SEMA4D: variants seen among roughly 807,000 people sequenced by gnomAD.
The protein encoded by SEMA4D is semaphorin-4D.
A neutral mutation model predicts 74.8 loss-of-function variants in SEMA4D; 22 were observed. That is an observed-to-expected ratio of 0.29 (90% CI 0.21 to 0.42). The LOEUF (loss-of-function observed/expected upper bound fraction) is 0.42, where lower values mean the gene tolerates loss of function less well. Among genes scored for constraint, SEMA4D ranks in the 10% least tolerant of loss-of-function variants. SEMA4D has a pLI of 1.00. For synonymous variants in SEMA4D, 445 were observed against 463.7 expected (o/e 0.96, Z 0.52); for missense variants, 937 against 1,118.4 (o/e 0.84, Z 2.31).
chr9:89,402,366 T>C (rs1234652689), intron 4 of SEMA4D, among the ~76,000 whole-genome samples: 3 of 152,148 alleles, frequency 2.0e-5, no homozygotes, highest in Non-Finnish European at 4.4e-5. Context: ...GCAACCTGAT[T>C]CAAACTAAAC....
chr9:89,378,779 G>T lies in SEMA4D; in HGVS notation c.2514C>A (p.Asp838Glu), dbSNP rs1272221490. The change falls in exon 16 of 16, where the codon GAC becomes GAA. Residue 838 changes from aspartate (D) to glutamate (E), a missense_variant. Coordinates refer to ENST00000422704, the MANE Select transcript of SEMA4D (RefSeq NM_001371194.2). Reference sequence around the variant, plus strand: ...CAAAGGGCTTGTCCCTGGCAGAAAGGTCGTCGATCCTCTGTGAGTCCTCCC... The same window carrying T: ...CAAAGGGCTTGTCCCTGGCAGAAAGTTCGTCGATCCTCTGTGAGTCCTCCC... ...TDREDSQRID[D>E]LSARDKPFDV... 1 of 1,614,202 alleles carries T rather than the reference G, an allele frequency of 6.2e-7. No homozygotes were observed. The highest frequency in any genetic ancestry group is 1.3e-5 in the African/African-American group (1 of 75,048).
intron 5 of SEMA4D, 102 bp downstream of exon 5, chr9:89,399,174 A>G: frequency 1.0e-6 from 1 of 954,350 alleles, no homozygotes; most frequent in Admixed American, 1.8e-5. Context: ...CAGAGCCTGG[A>G]GAAAAGGCTG....
chr9:89,442,915 TGG>T (rs909709893), intron 2 of SEMA4D, among the ~76,000 whole-genome samples: 12 of 152,228 alleles, frequency 7.9e-5, no homozygotes, highest in Admixed American at 7.8e-4. Context: ...GGGCCTGGGC[TGG>T]GACAAGCCTG....
chr9:89,467,515 C>T (rs1218587842), intron 1 of SEMA4D, among the ~76,000 whole-genome samples: 2 of 150,656 alleles, frequency 1.3e-5, no homozygotes, highest in East Asian at 3.9e-4. Context: ...GGGGGAACCA[C>T]ACCTGGGAGC....
chr9:89,362,261 C>G, exon 19 of SEMA4D: 2 of 1,442,064 alleles, frequency 1.4e-6, no homozygotes, highest in Non-Finnish European at 1.9e-6. Context: ...CAGGTGGTGG[C>G]CCAATGGCTG....
intron 1 of SEMA4D, among the ~76,000 whole-genome samples, chr9:89,468,007 AAG>A (rs35329146): frequency 0.19 from 28,544 of 152,108 alleles, 2,883 homozygotes; most frequent in East Asian, 0.32. Context: ...CTGCAGCAGA[AAG>A]AGAGTCAGCC....
At chr9:89,460,404 T>C (rs1856932216) in intron 1 of SEMA4D, among the ~76,000 whole-genome samples, 1 of 152,260 alleles carries the variant, frequency 6.6e-6, no homozygotes, top group Non-Finnish European at 1.5e-5. Context: ...GCCCCTACTG[T>C]GACAGTCCAT....
intron 16 of SEMA4D, chr9:89,364,297 C>T: frequency 2.6e-6 from 1 of 380,078 alleles, no homozygotes; most frequent in Non-Finnish European, 5.1e-6. Context: ...CCACCATGGC[C>T]CTGCTGCCAC....
intron 2 of SEMA4D, among the ~76,000 whole-genome samples, chr9:89,414,008 TA>T (rs1845134111): frequency 6.6e-6 from 1 of 152,206 alleles, no homozygotes; most frequent in Admixed American, 6.5e-5. Flanking sequence ...AAGTGTCCTG[TA>T]AGGCAGGAAC....
intron 6 of SEMA4D, 98 bp from the exon 7 acceptor site, chr9:89,393,753 C>T (rs919794096): frequency 2.8e-5 from 27 of 948,416 alleles, no homozygotes; most frequent in South Asian, 1.7e-4. Context: ...TTGCTCTTCT[C>T]GGAAGACCAA....
chr9:89,451,811 C>T (rs1334342493), intron 2 of SEMA4D, among the ~76,000 whole-genome samples: 1 of 152,144 alleles, frequency 6.6e-6, no homozygotes, highest in Non-Finnish European at 1.5e-5. Flanking sequence ...TTTTATCTAA[C>T]CCAATACACA....
chr9:89,460,012 A>C (rs1322482657), intron 1 of SEMA4D, among the ~76,000 whole-genome samples: 1 of 152,188 alleles, frequency 6.6e-6, no homozygotes, highest in Non-Finnish European at 1.5e-5. Context: ...TCCCCACAGG[A>C]CTGAGCTAAG....
chr9:89,394,297 A>G (rs767274828), intron 6 of SEMA4D, among the ~76,000 whole-genome samples: 2 of 152,232 alleles, frequency 1.3e-5, no homozygotes, highest in Admixed American at 6.5e-5. Flanking sequence ...AGAGAACTGG[A>G]AAGTTCCACA....
downstream of SEMA4D, chr9:89,376,477 A>T: frequency 1.1e-5 from 2 of 176,914 alleles, no homozygotes; most frequent in African/African-American, 4.8e-5. Context: ...ATAAAGTTTT[A>T]CTGGCACACA....
At chr9:89,462,389 G>C (rs1351950280) in intron 1 of SEMA4D, among the ~76,000 whole-genome samples, 1 of 152,210 alleles carries the variant, frequency 6.6e-6, no homozygotes, top group Non-Finnish European at 1.5e-5. Flanking sequence ...CAGAGAAGCA[G>C]GCTCCAAGGG....
intron 16 of SEMA4D, among the ~76,000 whole-genome samples, chr9:89,366,132 C>T (rs1833626095): frequency 6.6e-6 from 1 of 152,080 alleles, no homozygotes; most frequent in Admixed American, 6.5e-5. Context: ...GAAGTGCCAT[C>T]GAAGAATATT....
At chr9:89,392,647 C>T in intron 7 of SEMA4D, 111 bp from the exon 8 acceptor site, 1 of 696,358 alleles carries the variant, frequency 1.4e-6, no homozygotes, top group East Asian at 2.7e-5. Context: ...CAATTAAGTC[C>T]CTGCCTGGGG....
At chr9:89,477,718 T>C (rs1862127209) in intron 1 of SEMA4D, among the ~76,000 whole-genome samples, 1 of 152,236 alleles carries the variant, frequency 6.6e-6, no homozygotes, top group African/African-American at 2.4e-5. Flanking sequence ...AGGTTGTTTA[T>C]GGCATTTACC....
At chr9:89,377,205 C>A, downstream of SEMA4D, 2 of 1,152,924 alleles carry the variant, frequency 1.7e-6, no homozygotes, top group African/African-American at 1.6e-5. Context: ...GGAGGCTGCA[C>A]AGCCTCCGCT....
Sources: gnomAD v4.1 joint callset for allele counts (sites outside exome capture counted in the v4.1 genomes callset) on GRCh38, gnomAD v4.1.1 for gene constraint, MANE v1.5 for transcripts, NCBI Gene and HGNC (gene_info 2026-07-23, HGNC 2026-07-21) for gene names.